The following DNMT1 variants were observed in gnomAD, a reference collection of about 807,000 sequenced individuals.
DNMT1 encodes DNA methyltransferase 1, also known as DNA (cytosine-5)-methyltransferase 1.
DNMT1 carries 24 observed loss-of-function variants against 205.3 expected under a neutral mutation model. The observed-to-expected ratio is 0.12, with a 90% CI of 0.08 to 0.16. DNMT1 has a LOEUF of 0.16. DNMT1 is among the 10% of genes least tolerant of loss of function. DNMT1 has a pLI of 1.00. For synonymous variants in DNMT1, 817 were observed against 839.8 expected, an observed-to-expected ratio of 0.97 and a Z score of 0.47; for missense variants, 1,293 against 2,177.7, an observed-to-expected ratio of 0.59 and a Z score of 8.09.
chr19:10,137,878 A>C lies in DNMT1; in HGVS notation c.4247T>G (p.Leu1416Arg). 1.9e-6 allele frequency: 3 copies of C among 1,613,506 alleles called. No individual in the cohort carries two copies. Among genetic ancestry groups the C allele is most frequent in the Non-Finnish European group, 2.5e-6 (3 of 1,179,932 alleles). ...GATGGGCTGGTACTGTGCGCCCCGGAGCTGCCTCTGGAACCAGGACTGAGG... is the reference window on the plus strand; with the variant it reads ...GATGGGCTGGTACTGTGCGCCCCGGCGCTGCCTCTGGAACCAGGACTGAGG... ...GEPQSWFQRQ[L>R]RGAQYQPILR... The change falls in exon 36 of 41, where the codon CTC (leucine) becomes CGC (arginine). Residue 1416 changes from leucine to arginine, a missense_variant. Leu to Arg is a moderately radical substitution (Grantham distance 102). This residue lies in a region of DNMT1 where 148 missense variants were observed against 256.1 expected (regional missense o/e 0.58). Transcript: ENST00000359526. The surrounding 1 kb of genome is among the most constrained non-coding windows in gnomAD (Gnocchi z 6.4).
chr19:10,162,925 T>TC, intron 12 of DNMT1, 177 bp from the exon 13 acceptor site: 1 of 622,606 alleles, frequency 1.6e-6, no homozygotes, highest in Non-Finnish European at 2.8e-6. Flanking sequence ...GGCCCCAGGG[T>TC]CCCCACACAT....
At chr19:10,162,320 C>CA (rs2038585485) in intron 13 of DNMT1, among the ~76,000 whole-genome samples, 1 of 151,724 alleles carries the variant, frequency 6.6e-6, no homozygotes, top group African/African-American at 2.4e-5. Context: ...GCTGTGTCCC[C>CA]AGCCTGGAGT....
intron 1 of DNMT1, among the ~76,000 whole-genome samples, chr19:10,187,473 C>T (rs1473895717): frequency 6.6e-6 from 1 of 151,604 alleles, no homozygotes; most frequent in African/African-American, 2.4e-5. Context: ...TGGTAGCATG[C>T]ACCTATAGTC....
At position 10,134,231 on chromosome 19, in the gene DNMT1, C is replaced by A. The variant is rs767705266; in HGVS notation, c.4850G>T (p.Arg1617Leu). The change falls in exon 40 of 41, where the codon CGA (arginine) becomes CTA (leucine). Residue 1617 changes from arginine to leucine, a missense_variant. Physicochemically the swap from Arg to Leu is moderately radical, Grantham distance 102 (BLOSUM62 -2). Around this residue, in one of 13 missense-constraint regions of DNMT1, gnomAD observed 37 missense variants for 36.3 expected, o/e 1.02. Coordinates refer to ENST00000359526, the MANE Select transcript of DNMT1 (RefSeq NM_001130823.3). Reference protein sequence around the residue: ...EIKLCMLAKARESASAKIKEE... With the variant: ...EIKLCMLAKALESASAKIKEE... ...CCCCACCATACCTGAGGCACTCTCT[C>A]GGGCTTTGGCCAACATACAAAGCTT... The A allele has an allele frequency of 6.2e-7, 1 of 1,614,214 alleles. No individual in the cohort carries two copies. The highest frequency in any genetic ancestry group is 1.1e-5 in the South Asian group (1 of 91,082).
At position 10,180,566 on chromosome 19, in the gene DNMT1, C is replaced by G. The variant is rs746687493; in HGVS notation, c.229G>C (p.Gly77Arg). 1.9e-6 allele frequency: 3 copies of G among 1,613,876 alleles called. No homozygotes were observed. The highest frequency in any genetic ancestry group is 1.7e-5 in the Admixed American group (1 of 59,944). ...KLRKEELSEEGYLAKVKSLLN... is the reference protein window; with the variant it reads ...KLRKEELSEERYLAKVKSLLN... ...AGGGATTTGACTTTAGCCAGGTAGC[C>G]CTCCTACAGCAGGAAAGGATAATTT... Residue 77 changes from glycine (G) to arginine (R), a missense_variant, in exon 4 of 41, where the codon GGC (glycine) becomes CGC (arginine). Transcript: ENST00000359526.
At chr19:10,178,034 A>G (rs1218983686) in intron 5 of DNMT1, among the ~76,000 whole-genome samples, 4 of 151,740 alleles carry the variant, frequency 2.6e-5, no homozygotes, top group Admixed American at 6.6e-5. Flanking sequence ...CAAGACGGGC[A>G]GATCACAAGG....
Position 10,155,022 on chromosome 19 carries a change from G to C in DNMT1, c.1527C>G (p.Pro509=). 6.2e-7 allele frequency: 1 copy of C among 1,614,144 alleles called. No individual in the cohort carries two copies. ...TCAGCCCAAATATGGGCGCATACTC[G>C]GGACTGGGATCCATCAGAATGTATT... ...FAEYILMDPS[P]EYAPIFGLMQ... Residue 509 remains proline (P), a synonymous_variant, in exon 20 of 41, where the codon CCC becomes CCG. Transcript: ENST00000359526.
Position 10,151,978 on chromosome 19 carries a change from G to C in DNMT1, c.2020-131C>G, listed in dbSNP as rs1172522976. 27 of 791,342 alleles carry C rather than the reference G, an allele frequency of 3.4e-5. No individual in the cohort carries two copies. Among genetic ancestry groups the C allele is most frequent in the African/African-American group, 1.5e-4 (9 of 59,108 alleles). The allele number at this position is 791,342 out of a possible 1,614,324, so 49.0% of individuals were successfully genotyped here. Reference sequence around the variant, plus strand: ...AATTGCAGACCAGCCTGGCCAACGTGGTGAAACCCCATCTCTACTAAAAAT... The same window carrying C: ...AATTGCAGACCAGCCTGGCCAACGTCGTGAAACCCCATCTCTACTAAAAAT... On this transcript the variant is annotated intron_variant, in intron 22 of 40. Transcript: ENST00000359526. The surrounding 1 kb of genome is among the most constrained non-coding windows in gnomAD (Gnocchi z 5.0).
Position 10,180,422 on chromosome 19 carries a change from C to T in DNMT1, c.373G>A (p.Ala125Thr), listed in dbSNP as rs1417767085. 1 of 1,614,122 alleles carries T rather than the reference C, an allele frequency of 6.2e-7. No homozygotes were observed. The highest frequency in any genetic ancestry group is 1.7e-5 in the Admixed American group (1 of 59,998). Residue 125 changes from alanine (A) to threonine (T), a missense_variant, in exon 4 of 41, where the codon GCC becomes ACC. Ala to Thr is a moderately conservative substitution (Grantham distance 58, BLOSUM62 0). This residue lies in a region of DNMT1 where 394 missense variants were observed against 451.6 expected (regional missense o/e 0.87). Coordinates refer to ENST00000359526, the MANE Select transcript of DNMT1 (RefSeq NM_001130823.3). ...GAAAGGGGTTTGGGGGGGCTGTTGGCATCTGCCATTCCCACTCTACGGGCT... is the reference window on the plus strand; with the variant it reads ...GAAAGGGGTTTGGGGGGGCTGTTGGTATCTGCCATTCCCACTCTACGGGCT... ...SEARRVGMAD[A>T]NSPPKPLSKP...
chr19:10,146,448 G>C lies in DNMT1; in HGVS notation c.2797C>G (p.Leu933Val). The C allele has an allele frequency of 1.2e-6, 2 of 1,614,132 alleles. No homozygotes were observed. Among genetic ancestry groups the C allele is most frequent in the South Asian group, 2.2e-5 (2 of 91,086 alleles). The change falls in exon 28 of 41, where the codon CTG becomes GTG. Residue 933 changes from leucine to valine, a missense_variant. By Grantham distance (32) the Leu-to-Val change is conservative. Transcript: ENST00000359526. The surrounding 1 kb of genome is among the most constrained non-coding windows in gnomAD (Gnocchi z 4.4). ...IPRVLEQLED[L>V]DSRVLYYSAT... ...GAGTAGTAGAGGACCCGGCTATCCAGGTCCTCGAGCTGCTCCAGGACCCTG... is the reference window on the plus strand; with the variant it reads ...GAGTAGTAGAGGACCCGGCTATCCACGTCCTCGAGCTGCTCCAGGACCCTG...
In DNMT1 at chr19:10,151,307, C is replaced by G; in HGVS notation, c.2265+91G>C. ...AGGTTTCTTAGTGCCGGGGCTCAGG[C>G]TGCCTGAGAGGTCAGGTTGGCGAGA... is the stretch of plus-strand genomic sequence containing the variant. On this transcript the variant is annotated intron_variant, in intron 24 of 40. Transcript: ENST00000359526. The surrounding 1 kb of genome is among the most constrained non-coding windows in gnomAD (Gnocchi z 5.0). The G allele has an allele frequency of 1.3e-6, 2 of 1,581,156 alleles. No individual in the cohort carries two copies. The highest frequency in any genetic ancestry group is 1.7e-6 in the Non-Finnish European group (2 of 1,165,032).
chr19:10,165,814 G>A (rs1329892853), intron 11 of DNMT1, among the ~76,000 whole-genome samples: 3 of 152,214 alleles, frequency 2.0e-5, no homozygotes, highest in Non-Finnish European at 2.9e-5. Flanking sequence ...CTGACAGTAA[G>A]GTGACCAACA....
intron 28 of DNMT1, among the ~76,000 whole-genome samples, chr19:10,145,638 C>T (rs2038181951): frequency 6.6e-6 from 1 of 152,080 alleles, no homozygotes; most frequent in South Asian, 2.1e-4. Context: ...AACTCATGTC[C>T]GTTAAACCTT....
At chr19:10,180,656 T>C in intron 3 of DNMT1, 87 bp from the exon 4 acceptor site, 2 of 1,452,458 alleles carry the variant, frequency 1.4e-6, no homozygotes, top group Non-Finnish European at 1.9e-6. Context: ...TTCATCATCA[T>C]CATCATCATC....
rs146825644 is a variant in DNMT1 at position 10,150,348 on chromosome 19, C to CA, written c.2266-381_2266-380insT. Among the ~76,000 whole-genome samples the CA allele has an allele frequency of 5.6e-3, 856 of 152,336 alleles. 20 individuals carry two copies. The highest frequency in any genetic ancestry group is 0.054 in the East Asian group (278 of 5,176). ...GCTCAAGCCACTCCAGCTGCAGGGG[C>CA]CTCCTTCCTTTTCTCCAACAAAGTA... On this transcript the variant is annotated intron_variant, in intron 24 of 40. Coordinates refer to ENST00000359526, the MANE Select transcript of DNMT1 (RefSeq NM_001130823.3).
At chr19:10,175,128 CATAT>C (rs74178238) in intron 7 of DNMT1, among the ~76,000 whole-genome samples, 17 of 100,666 alleles carry the variant, frequency 1.7e-4, no homozygotes, top group African/African-American at 2.5e-4. Context: ...CACACACACA[CATAT>C]ATATAACATG....
At position 10,191,831 on chromosome 19, in the gene DNMT1, A is replaced by G. The variant is rs563774257; in HGVS notation, c.80+2989T>C. Among the ~76,000 whole-genome samples the G allele has an allele frequency of 2.7e-5, 4 of 149,624 alleles. No homozygotes were observed. The East Asian group carries it at 5.9e-4, about 22-fold the overall frequency. On this transcript the variant is annotated intron_variant, in intron 1 of 40. Coordinates refer to ENST00000359526, the MANE Select transcript of DNMT1 (RefSeq NM_001130823.3). ...GCAACAAAGCAAGACCCTCATCTCTAAAAAAAAAAATTTTTTTTTTTTCTG... is the reference window on the plus strand; with the variant it reads ...GCAACAAAGCAAGACCCTCATCTCTGAAAAAAAAAATTTTTTTTTTTTCTG...
chr19:10,186,431 G>C (rs1305350697), intron 1 of DNMT1, among the ~76,000 whole-genome samples: 1 of 152,126 alleles, frequency 6.6e-6, no homozygotes, highest in Non-Finnish European at 1.5e-5. Flanking sequence ...AGACAGCCGT[G>C]AAGGACGGAG....
In DNMT1 at chr19:10,162,620, GAAAAAAAAAAAA is replaced by G. The variant is rs573823039; in HGVS notation, c.1008+35_1008+46del. 7.6e-6 allele frequency: 10 copies of G among 1,316,624 alleles called. 1 individual carries two copies. Among genetic ancestry groups the G allele is most frequent in the Non-Finnish European group, 1.0e-5 (10 of 978,714 alleles). 81.6% of individuals were successfully genotyped at this position (1,316,624 alleles called of 1,614,324 possible). A position where few individuals can be genotyped will look rare whatever the true frequency, so the allele number is the denominator to read the frequency against. On this transcript the variant is annotated intron_variant, in intron 13 of 40. Transcript: ENST00000359526. Reference sequence around the variant, plus strand: ...CAACATGGCGAAACCCCGTCTTGGGGAAAAAAAAAAAAAAAAAAAAGAAAGAAAGAAAAGTGA... The same window carrying G: ...CAACATGGCGAAACCCCGTCTTGGGGAAAAAAAAGAAAGAAAGAAAAGTGA...
Sources: allele counts gnomAD v4.1 joint callset (sites outside exome capture counted in the v4.1 genomes callset), GRCh38; gene constraint gnomAD v4.1.1; regional missense constraint gnomAD v4.1.1; non-coding constraint Gnocchi (gnomAD v3.1); transcripts MANE v1.5; gene names NCBI Gene and HGNC (gene_info 2026-07-23, HGNC 2026-07-21).